LAMP3: variants seen among roughly 807,000 people sequenced by gnomAD.
The protein encoded by LAMP3 is lysosome associated membrane protein 3, also known as lysosome-associated membrane glycoprotein 3.
In LAMP3, 26 loss-of-function variants were observed where a neutral mutation model predicts 34.8. The ratio of observed to expected loss-of-function variants is 0.75; its 90% CI spans 0.55 to 1.04. The LOEUF (loss-of-function observed/expected upper bound fraction) is 1.04, where lower values mean the gene tolerates loss of function less well. Among genes scored for constraint, LAMP3 ranks in the 50% least tolerant of loss-of-function variants. The pLI, the probability that LAMP3 is intolerant of heterozygous loss-of-function variation, is 0.00. For missense variants in LAMP3, 495 were observed against 524.0 expected (o/e 0.94, Z 0.54); for synonymous variants, 180 against 201.9 (o/e 0.89, Z 0.92).
chr3:183,127,277 G>A (rs1223821491), intron 5 of LAMP3, among the ~76,000 whole-genome samples: 1 of 152,068 alleles, frequency 6.6e-6, no homozygotes, highest in Non-Finnish European at 1.5e-5. Flanking sequence ...AGTAGTACAG[G>A]CAAATGCCAC....
intron 1 of LAMP3, among the ~76,000 whole-genome samples, chr3:183,156,825 G>C (rs1720835056): frequency 6.6e-6 from 1 of 152,098 alleles, no homozygotes; most frequent in Non-Finnish European, 1.5e-5. Flanking sequence ...TGACACAACT[G>C]GTCAAAGTTG....
chr3:183,161,425 C>T (rs964185649), intron 1 of LAMP3, among the ~76,000 whole-genome samples: 6 of 151,840 alleles, frequency 4.0e-5, no homozygotes, highest in African/African-American at 1.5e-4. Context: ...CAGAGTCTCA[C>T]TGTTACCTAG....
Position 183,124,118 on chromosome 3 carries a change from C to G in LAMP3, c.1214G>C (p.Arg405Pro). The G allele has an allele frequency of 6.2e-7, 1 of 1,614,020 alleles. No homozygotes were observed. Among genetic ancestry groups the G allele is most frequent in the Middle Eastern group, 1.6e-4 (1 of 6,062 alleles). Reference sequence around the variant, plus strand: ...GTATCCAGATGATTGACACCTTAGGCGGATTTTATAGACACCCATACCCAT... The same window carrying G: ...GTATCCAGATGATTGACACCTTAGGGGGATTTTATAGACACCCATACCCAT... ...CLMGMGVYKI[R>P]LRCQSSGYQR... Residue 405 changes from arginine (R) to proline (P), a missense_variant, in exon 6 of 6, where the codon CGC becomes CCC. Transcript: ENST00000265598.
At chr3:183,149,562 A>T in intron 3 of LAMP3, among the ~76,000 whole-genome samples, 1 of 29,860 alleles carries the variant, frequency 3.3e-5, no homozygotes, top group East Asian at 9.9e-4. Flanking sequence ...AAAAAAAAAA[A>T]AAAAAAAAAA....
At chr3:183,140,504 T>C (rs751283900) in intron 4 of LAMP3, 34 bp downstream of exon 4, 4 of 1,325,226 alleles carry the variant, frequency 3.0e-6, no homozygotes, top group Non-Finnish European at 4.3e-6. Context: ...AACAGCGTCA[T>C]GGCTGGTCGA....
intron 5 of LAMP3, among the ~76,000 whole-genome samples, chr3:183,127,894 G>A (rs1269308678): frequency 5.3e-5 from 8 of 152,170 alleles, no homozygotes; most frequent in Non-Finnish European, 4.4e-5. Context: ...CACTTTGGGA[G>A]GCTGAGGCAG....
upstream of LAMP3, among the ~76,000 whole-genome samples, chr3:183,163,295 G>C (rs778218467): frequency 2.2e-5 from 1 of 46,430 alleles, no homozygotes; most frequent in African/African-American, 3.2e-4. Context: ...TATTTCTTTT[G>C]TTTTGTTTTG....
At chr3:183,146,143 C>T (rs931794957) in intron 3 of LAMP3, among the ~76,000 whole-genome samples, 9 of 151,992 alleles carry the variant, frequency 5.9e-5, no homozygotes, top group Admixed American at 4.6e-4. Context: ...TTTTTGCCTC[C>T]TAGGAGACAT....
At chr3:183,156,665 C>T (rs757288232) in intron 1 of LAMP3, among the ~76,000 whole-genome samples, 3 of 152,154 alleles carry the variant, frequency 2.0e-5, no homozygotes, top group Non-Finnish European at 1.5e-5. Context: ...AATAAAAATT[C>T]CAAGTTACTG....
At chr3:183,128,519 T>G (rs1719837545) in intron 5 of LAMP3, among the ~76,000 whole-genome samples, 1 of 152,206 alleles carries the variant, frequency 6.6e-6, no homozygotes. Flanking sequence ...TGTTTTCATT[T>G]TTTTGCTATT....
In LAMP3 at chr3:183,153,196, A is replaced by AG. The variant is rs1369227145; in HGVS notation, c.759+485dup. 3.0e-4 allele frequency among the ~76,000 whole-genome samples: 45 copies of AG among 150,302 alleles called. 2 individuals are homozygous for AG. The highest frequency in any genetic ancestry group is 1.0e-3 in the African/African-American group (42 of 40,060). ...TCTCAAAAAAAAAAAAAAAAAAGAA[A>AG]GAAAATATTGTTTTAGTGATTCCTT... On this transcript the variant is annotated intron_variant, in intron 2 of 5. Transcript: ENST00000265598.
intron 3 of LAMP3, among the ~76,000 whole-genome samples, chr3:183,147,628 T>A (rs1294279369): frequency 6.9e-6 from 1 of 144,998 alleles, no homozygotes; most frequent in African/African-American, 2.5e-5. Flanking sequence ...TTTTTTTTTT[T>A]ACTAGCTTGC....
intron 5 of LAMP3, chr3:183,132,353 G>A (rs992804845): frequency 1.0e-6 from 1 of 955,072 alleles, no homozygotes; most frequent in Non-Finnish European, 1.2e-6. Context: ...AAATCCAGGA[G>A]TTTAAAATCA....
In LAMP3 at chr3:183,145,986, T is replaced by C. The variant is rs897943397; in HGVS notation, c.889-5391A>G. ...TAGGTGCTCAGTAAATTCTTACTAA[T>C]AAACGAGTTGATAAATCAGGCCTAA... On this transcript the variant is annotated intron_variant, in intron 3 of 5. Transcript: ENST00000265598. 2.0e-5 allele frequency among the ~76,000 whole-genome samples: 3 copies of C among 152,250 alleles called. No individual in the cohort carries two copies. The East Asian group carries it at 5.8e-4, about 29-fold the overall frequency.
At position 183,153,922 on chromosome 3, in the gene LAMP3, C is replaced by CG. The variant is rs777982504; in HGVS notation, c.518dup (p.Ile174AspfsTer125). ...CGGTTGTGCTTTTGTGCAGTGCTATCGATAAAGTTGCTGGAAGGGTGGTCT... is the reference window on the plus strand; with the variant it reads ...CGGTTGTGCTTTTGTGCAGTGCTATCGGATAAAGTTGCTGGAAGGGTGGTCT... On this transcript the variant is annotated frameshift_variant, in exon 2 of 6. Transcript: ENST00000265598. LOFTEE classifies it high-confidence loss of function. 2 of 1,614,092 alleles carry CG rather than the reference C, an allele frequency of 1.2e-6. No individual in the cohort carries two copies. Among genetic ancestry groups the CG allele is most frequent in the Non-Finnish European group, 1.7e-6 (2 of 1,180,026 alleles).
At position 183,154,037 on chromosome 3, in the gene LAMP3, G is replaced by A. The variant is rs115061463; in HGVS notation, c.404C>T (p.Pro135Leu). Residue 135 changes from proline to leucine, a missense_variant, in exon 2 of 6, where the codon CCA (proline) becomes CTA (leucine). Pro to Leu is a moderately conservative substitution (Grantham distance 98). Coordinates refer to ENST00000265598, the MANE Select transcript of LAMP3 (RefSeq NM_014398.4). Reference protein sequence around the residue: ...VGPSLAPYSLPPTITPPAHTT... With the variant: ...VGPSLAPYSLLPTITPPAHTT... ...ATGAGCTGGTGGGGTGATGGTGGGT[G>A]GCAGTGAATAAGGGGCTAAGCTAGG... 23 of 1,614,158 alleles carry A rather than the reference G, an allele frequency of 1.4e-5. No homozygotes were observed. In the East Asian group the frequency reaches 5.1e-4, roughly 36 times the overall value.
chr3:183,135,105 C>A (rs1351031123), intron 5 of LAMP3, among the ~76,000 whole-genome samples: 6 of 152,208 alleles, frequency 3.9e-5, no homozygotes, highest in African/African-American at 1.4e-4. Context: ...TCCTCCAGGG[C>A]AGTCATCAGG....
intron 3 of LAMP3, among the ~76,000 whole-genome samples, chr3:183,151,008 G>C (rs1273893259): frequency 6.6e-6 from 1 of 152,000 alleles, no homozygotes; most frequent in East Asian, 1.9e-4. Flanking sequence ...ACTCTACCTT[G>C]TATGCTCCAG....
At chr3:183,155,384 G>C (rs534539866) in intron 1 of LAMP3, among the ~76,000 whole-genome samples, 4 of 151,970 alleles carry the variant, frequency 2.6e-5, no homozygotes, top group African/African-American at 4.8e-5. Context: ...TGTCATTTTC[G>C]TACTTAACTT....
Sources: gnomAD v4.1 joint callset for allele counts (sites outside exome capture counted in the v4.1 genomes callset) on GRCh38, gnomAD v4.1.1 for gene constraint, MANE v1.5 for transcripts, NCBI Gene and HGNC (gene_info 2026-07-23, HGNC 2026-07-21) for gene names.